Variants in COG2 observed in about 807,000 individuals in gnomAD.
The protein encoded by COG2 is component of oligomeric golgi complex 2, also known as conserved oligomeric Golgi complex subunit 2.
Under a neutral mutation model 90.6 loss-of-function variants are expected in COG2, and 52 were observed. The observed-to-expected ratio is 0.57, with a 90% CI of 0.46 to 0.72. The LOEUF (loss-of-function observed/expected upper bound fraction) is 0.72. COG2 is among the 30% of genes least tolerant of loss of function. The probability of loss-of-function intolerance (pLI) is 0.00; values close to 1 mark genes in which losing one functional copy is unlikely to be tolerated. For missense variants in COG2, 829 were observed against 891.2 expected (o/e 0.93, Z 0.89); for synonymous variants, 337 against 320.4 (o/e 1.05, Z -0.55).
At chr1:230,659,735 C>G in intron 2 of COG2, 110 bp downstream of exon 2, 1 of 1,136,348 alleles carries the variant, frequency 8.8e-7, no homozygotes, top group Non-Finnish European at 1.2e-6. Context: ...GATGTCCTCA[C>G]AGAAATTTGA....
chr1:230,675,914 C>T (rs1256280348), intron 9 of COG2, among the ~76,000 whole-genome samples: 1 of 152,068 alleles, frequency 6.6e-6, no homozygotes. Flanking sequence ...CTCAACCTTC[C>T]AAAGTGCTAG....
At position 230,644,783 on chromosome 1, in the gene COG2, T is replaced by G. The variant is rs574870781; in HGVS notation, c.72+2105T>G. Among the ~76,000 whole-genome samples the G allele has an allele frequency of 2.1e-4, 32 of 152,328 alleles. No homozygotes were observed. In the South Asian group the frequency reaches 6.6e-3, roughly 32 times the overall value. Reference sequence around the variant, plus strand: ...TTTGCACTTGATTTAGTATTCATTGTGGAGTTACAGTCAGGTTAAAAGCAG... The same window carrying G: ...TTTGCACTTGATTTAGTATTCATTGGGGAGTTACAGTCAGGTTAAAAGCAG... On this transcript the variant is annotated intron_variant, in intron 1 of 17. Transcript: ENST00000366669.
intron 10 of COG2, chr1:230,682,635 G>T (rs1191038315): frequency 2.0e-5 from 3 of 152,200 alleles, no homozygotes; most frequent in Non-Finnish European, 4.4e-5. Flanking sequence ...TTACTCTTCA[G>T]ACAGTTGCCT....
chr1:230,686,960 A>G lies in COG2; in HGVS notation c.1406A>G (p.Glu469Gly). 2 of 1,555,574 alleles carry G rather than the reference A, an allele frequency of 1.3e-6. No individual in the cohort carries two copies. The highest frequency in any genetic ancestry group is 1.7e-6 in the Non-Finnish European group (2 of 1,147,052). The change falls in exon 13 of 18, where the codon GAA becomes GGA. Residue 469 changes from glutamate to glycine, a missense_variant. Transcript: ENST00000366669. ...NELSLRPISN[E>G]SPKEIKKPLV... ...CTTTCACTCAGGCCCATTTCTAATG[A>G]AAGTCCCAAGGAGATCAAGAAACCT...
chr1:230,667,405 A>G (rs1662345772), intron 5 of COG2, among the ~76,000 whole-genome samples: 1 of 152,118 alleles, frequency 6.6e-6, no homozygotes, highest in African/African-American at 2.4e-5. Flanking sequence ...ATACTCTTAT[A>G]TTATTGTATT....
intron 1 of COG2, among the ~76,000 whole-genome samples, chr1:230,656,712 A>G (rs1357301806): frequency 6.6e-6 from 1 of 152,134 alleles, no homozygotes; most frequent in Non-Finnish European, 1.5e-5. Context: ...GTGGGAGTCT[A>G]AGTCTCTTTG....
intron 9 of COG2, chr1:230,678,615 G>A: frequency 7.5e-7 from 1 of 1,325,352 alleles, no homozygotes; most frequent in African/African-American, 1.5e-5. Flanking sequence ...CCAGTGGGCT[G>A]GGGTAGGGGG....
chr1:230,665,903 T>C (rs537137879), intron 5 of COG2, among the ~76,000 whole-genome samples: 61 of 152,288 alleles, frequency 4.0e-4, no homozygotes, highest in Non-Finnish European at 6.9e-4. Flanking sequence ...CTTTTCCTCC[T>C]TCCCCATTCC....
At position 230,693,528 on chromosome 1, in the gene COG2, C is replaced by T. The variant is rs1460121176; in HGVS notation, c.*135C>T. On this transcript the variant is annotated 3_prime_UTR_variant, in exon 18 of 18. Transcript: ENST00000366669. Reference sequence around the variant, plus strand: ...AGTGCTTCCAGCATCACTCCAGCAACACGCCCATGCGTCTTCTCTCAGCGT... The same window carrying T: ...AGTGCTTCCAGCATCACTCCAGCAATACGCCCATGCGTCTTCTCTCAGCGT... 1.9e-5 allele frequency: 11 copies of T among 569,820 alleles called. No individual in the cohort carries two copies. The highest frequency in any genetic ancestry group is 3.5e-5 in the Non-Finnish European group (11 of 316,450). The allele number at this position is 569,820 out of a possible 1,614,324, so 35.3% of individuals were successfully genotyped here.
intron 6 of COG2, 69 bp from the exon 7 acceptor site, chr1:230,669,287 T>G: frequency 7.1e-7 from 1 of 1,417,082 alleles, no homozygotes; most frequent in Non-Finnish European, 9.7e-7. Flanking sequence ...GCTTGTTATA[T>G]ATCTACTTGC....
intron 1 of COG2, among the ~76,000 whole-genome samples, chr1:230,655,891 T>G (rs11122569): frequency 0.15 from 22,481 of 152,148 alleles, 2,224 homozygotes; most frequent in Admixed American, 0.21. Context: ...CGCCTAGAGG[T>G]GTTTATAGTG....
At chr1:230,678,344 G>T (rs1662648806) in intron 9 of COG2, 23 of 985,292 alleles carry the variant, frequency 2.3e-5, no homozygotes, top group Admixed American at 6.2e-5. Flanking sequence ...GCCCTGTGGG[G>T]TCGTTTTGTG....
chr1:230,675,516 T>C (rs1662568357), intron 9 of COG2, among the ~76,000 whole-genome samples: 1 of 152,202 alleles, frequency 6.6e-6, no homozygotes. Context: ...TCACTGAATG[T>C]TTTCCAGCAG....
Position 230,663,439 on chromosome 1 carries a change from C to T in COG2, c.381+218C>T, listed in dbSNP as rs1662239817. ...TATTTTTCTTTTGATAACTTTAGTA[C>T]CCAAGCACACTTATTAAAATCTCAA... On this transcript the variant is annotated intron_variant, in intron 4 of 17. Transcript: ENST00000366669. Among the ~76,000 whole-genome samples, 6 of 151,962 alleles carry T rather than the reference C, an allele frequency of 3.9e-5. No homozygotes were observed. The South Asian group carries it at 1.2e-3, about 32-fold the overall frequency.
chr1:230,645,815 G>A (rs1011719007), intron 1 of COG2, among the ~76,000 whole-genome samples: 9 of 152,240 alleles, frequency 5.9e-5, no homozygotes, highest in Middle Eastern at 3.4e-3. Context: ...CATAAGGAGT[G>A]CCTAACCTAG....
In COG2 at chr1:230,671,399, A is replaced by T; in HGVS notation, c.775-117A>T. 9 of 787,672 alleles carry T rather than the reference A, an allele frequency of 1.1e-5. 1 individual carries two copies. The South Asian group carries it at 1.4e-4, about 13-fold the overall frequency. 48.8% of individuals were successfully genotyped at this position (787,672 alleles called of 1,614,324 possible). On this transcript the variant is annotated intron_variant, in intron 7 of 17. Transcript: ENST00000366669. ...ACTGTTTAGAAAATGTGTCACAGGG[A>T]GGAGGGTGAGTGTGAGGAAGCAGAT...
chr1:230,676,440 C>T (rs562721536), intron 9 of COG2, among the ~76,000 whole-genome samples: 42 of 152,300 alleles, frequency 2.8e-4, no homozygotes, highest in Non-Finnish European at 5.3e-4. Flanking sequence ...TGTTCTCGAG[C>T]CTTCTCCTGG....
At chr1:230,671,750 A>C in intron 8 of COG2, 110 bp downstream of exon 8, 1 of 952,932 alleles carries the variant, frequency 1.0e-6, no homozygotes, top group Non-Finnish European at 1.6e-6. Context: ...TCTTGTATGA[A>C]TCCATTATGA....
In COG2 at chr1:230,642,649, C is replaced by G. The variant is rs1343326169; in HGVS notation, c.43C>G (p.Leu15Val). Residue 15 changes from leucine (L) to valine (V), a missense_variant, in exon 1 of 18, where the codon CTC (leucine) becomes GTC (valine). Coordinates refer to ENST00000366669, the MANE Select transcript of COG2 (RefSeq NM_007357.3). Reference sequence around the variant, plus strand: ...GAACCTGCCCAAGGGGCCGGACACGCTCTGCTTCGACAAGGACGAGTTCAT... The same window carrying G: ...GAACCTGCCCAAGGGGCCGGACACGGTCTGCTTCGACAAGGACGAGTTCAT... ...RMNLPKGPDT[L>V]CFDKDEFMKE... is the part of the protein sequence containing the mutation. 3 of 1,613,074 alleles carry G rather than the reference C, an allele frequency of 1.9e-6. No homozygotes were observed. The highest frequency in any genetic ancestry group is 1.7e-5 in the Admixed American group (1 of 59,934).
Sources: gnomAD v4.1 joint callset for allele counts (sites outside exome capture counted in the v4.1 genomes callset) on GRCh38, gnomAD v4.1.1 for gene constraint, MANE v1.5 for transcripts, NCBI Gene and HGNC (gene_info 2026-07-23, HGNC 2026-07-21) for gene names.